Variants in CACNA1E observed in about 807,000 individuals in gnomAD.
CACNA1E encodes the protein calcium voltage-gated channel subunit alpha1 E.
CACNA1E carries 40 observed loss-of-function variants against 259.2 expected under a neutral mutation model. The ratio of observed to expected loss-of-function variants is 0.15; its 90% CI spans 0.12 to 0.20. CACNA1E has a LOEUF of 0.20. CACNA1E is among the 10% of genes least tolerant of loss of function. CACNA1E has a pLI of 1.00. For synonymous variants in CACNA1E, 1,104 were observed against 1,138.5 expected, an observed-to-expected ratio of 0.97 and a Z score of 0.61; for missense variants, 1,874 against 3,040.1, an observed-to-expected ratio of 0.62 and a Z score of 9.02.
At chr1:181,538,923 G>A (rs796385719) in intron 3 of CACNA1E, among the ~76,000 whole-genome samples, 2 of 152,360 alleles carry the variant, frequency 1.3e-5, no homozygotes, top group African/African-American at 4.8e-5. Context: ...ATATAATTCT[G>A]CAATTCTTTG....
intron 35 of CACNA1E, among the ~76,000 whole-genome samples, chr1:181,767,974 T>C (rs531467155): frequency 5.3e-5 from 8 of 152,366 alleles, no homozygotes; most frequent in Admixed American, 1.3e-4. Context: ...GTAGATATTT[T>C]TGGGGTACAT....
rs773362783 is a variant in CACNA1E at position 181,776,243 on chromosome 1, C to G, written c.5267+15C>G. The G allele has an allele frequency of 6.2e-7, 1 of 1,613,700 alleles. No individual in the cohort carries two copies. The highest frequency in any genetic ancestry group is 8.5e-7 in the Non-Finnish European group (1 of 1,179,630). On this transcript the variant is annotated intron_variant, in intron 38 of 47. Coordinates refer to ENST00000367573, the MANE Select transcript of CACNA1E (RefSeq NM_001205293.3). The surrounding 1 kb of genome is among the most constrained non-coding windows in gnomAD (Gnocchi z 4.4). Reference sequence around the variant, plus strand: ...CGAGCAGCATGGTGCGTAGGCCCCTCGGCCGCCCCAGCGGGGCCCAGAGCA... The same window carrying G: ...CGAGCAGCATGGTGCGTAGGCCCCTGGGCCGCCCCAGCGGGGCCCAGAGCA...
At chr1:181,650,409 G>A (rs554276499) in intron 6 of CACNA1E, among the ~76,000 whole-genome samples, 34 of 152,106 alleles carry the variant, frequency 2.2e-4, no homozygotes, top group Non-Finnish European at 3.5e-4. Flanking sequence ...AGTGGAGTGG[G>A]GGTCGAAGGG....
intron 6 of CACNA1E, among the ~76,000 whole-genome samples, chr1:181,603,623 T>C (rs1053982485): frequency 1.3e-5 from 2 of 151,928 alleles, no homozygotes; most frequent in African/African-American, 2.4e-5. Flanking sequence ...CATTTTTTTT[T>C]CCCCATAGGA....
chr1:181,377,906 T>C (rs1655206970), intron 1 of CACNA1E, among the ~76,000 whole-genome samples: 1 of 152,228 alleles, frequency 6.6e-6, no homozygotes, highest in African/African-American at 2.4e-5. Flanking sequence ...CTATCCATTC[T>C]CTTTGGATTT....
chr1:181,388,028 A>G (rs2877607), intron 1 of CACNA1E, among the ~76,000 whole-genome samples: 58,608 of 151,992 alleles, frequency 0.39, 11,480 homozygotes, highest in Admixed American at 0.45. Flanking sequence ...GATAGCTAAG[A>G]GTTCCTTCAA....
chr1:181,319,625 A>C lies in CACNA1E; in HGVS notation c.-15+1502A>C, dbSNP rs190364975. On this transcript the variant is annotated intron_variant, in intron 1 of 11. Coordinates refer to the CACNA1E transcript ENST00000524607. ...CTTTGTAGTATAGTGTAATCATATCATTTATGATTGACTGATTGTCCAAGC... is the reference window on the plus strand; with the variant it reads ...CTTTGTAGTATAGTGTAATCATATCCTTTATGATTGACTGATTGTCCAAGC... 5.3e-5 allele frequency among the ~76,000 whole-genome samples: 8 copies of C among 152,340 alleles called. No homozygotes were observed. In the East Asian group the frequency reaches 1.5e-3, roughly 29 times the overall value.
At chr1:181,506,754 T>A (rs1248958767) in intron 1 of CACNA1E, among the ~76,000 whole-genome samples, 2 of 152,202 alleles carry the variant, frequency 1.3e-5, no homozygotes, top group Admixed American at 1.3e-4. Flanking sequence ...AAATGCCTCT[T>A]TTTTGTGCTT....
At chr1:181,602,234 G>A (rs903977867) in intron 6 of CACNA1E, among the ~76,000 whole-genome samples, 4 of 152,206 alleles carry the variant, frequency 2.6e-5, no homozygotes, top group African/African-American at 9.6e-5. Context: ...ATGAGGGCAG[G>A]ACTTTTGTCT....
intron 1 of CACNA1E, among the ~76,000 whole-genome samples, chr1:181,412,786 C>T (rs1193362360): frequency 1.3e-5 from 2 of 152,218 alleles, no homozygotes; most frequent in African/African-American, 2.4e-5. Context: ...CACCTCTAAA[C>T]CTTACCAACG....
chr1:181,440,387 A>G (rs1363583861), intron 2 of CACNA1E, among the ~76,000 whole-genome samples: 1 of 151,038 alleles, frequency 6.6e-6, no homozygotes, highest in Non-Finnish European at 1.5e-5. Flanking sequence ...TTTAAAATCC[A>G]CAGATATGCT....
At chr1:181,522,221 A>C (rs903497749) in intron 3 of CACNA1E, among the ~76,000 whole-genome samples, 2 of 152,058 alleles carry the variant, frequency 1.3e-5, no homozygotes, top group African/African-American at 4.8e-5. Flanking sequence ...TGTTTAACCT[A>C]TTGGAGCTGT....
chr1:181,398,560 A>C (rs1656859362), intron 1 of CACNA1E, among the ~76,000 whole-genome samples: 1 of 152,220 alleles, frequency 6.6e-6, no homozygotes, highest in Admixed American at 6.5e-5. Context: ...GAAGGGCAAG[A>C]AGGGCCAGAA....
At chr1:181,680,575 C>T (rs1364927411) in intron 7 of CACNA1E, among the ~76,000 whole-genome samples, 4 of 152,192 alleles carry the variant, frequency 2.6e-5, no homozygotes, top group African/African-American at 7.2e-5. Context: ...GCTTCTCACA[C>T]GCCCTGCCTC....
chr1:181,542,853 C>T (rs1192303563), intron 3 of CACNA1E, among the ~76,000 whole-genome samples: 1 of 149,718 alleles, frequency 6.7e-6, no homozygotes, highest in Non-Finnish European at 1.5e-5. Context: ...AACAGTAGTC[C>T]TGCAAGATGC....
chr1:181,568,196 C>T (rs79723963), intron 3 of CACNA1E, among the ~76,000 whole-genome samples: 7 of 152,092 alleles, frequency 4.6e-5, no homozygotes, highest in Admixed American at 1.3e-4. Flanking sequence ...TTTGCTTATA[C>T]GAATCTACAT....
intron 3 of CACNA1E, among the ~76,000 whole-genome samples, chr1:181,521,554 C>T (rs1005498785): frequency 5.3e-5 from 8 of 152,090 alleles, no homozygotes; most frequent in African/African-American, 9.7e-5. Flanking sequence ...TAGAGGCAGC[C>T]GGTATTAGTT....
chr1:181,711,682 G>C (rs555219779), intron 8 of CACNA1E, among the ~76,000 whole-genome samples: 1 of 152,166 alleles, frequency 6.6e-6, no homozygotes, highest in Non-Finnish European at 1.5e-5. Flanking sequence ...TAGACTTGAA[G>C]AAATGAAGGA....
chr1:181,343,920 G>T (rs922450433), intron 1 of CACNA1E, among the ~76,000 whole-genome samples: 3 of 152,062 alleles, frequency 2.0e-5, no homozygotes, highest in African/African-American at 7.2e-5. Flanking sequence ...TCCCCTCCCT[G>T]GCTATATAAA....
Sources: allele counts gnomAD v4.1 joint callset (sites outside exome capture counted in the v4.1 genomes callset), GRCh38; gene constraint gnomAD v4.1.1; non-coding constraint Gnocchi (gnomAD v3.1); transcripts MANE v1.5; gene names NCBI Gene and HGNC (gene_info 2026-07-23, HGNC 2026-07-21).